ZC3H4: variants seen among roughly 807,000 people sequenced by gnomAD.
ZC3H4 encodes zinc finger CCCH-type containing 4.
Under a neutral mutation model 108.3 loss-of-function variants are expected in ZC3H4, and 13 were observed. That is an observed-to-expected ratio of 0.12 (90% CI 0.08 to 0.19). ZC3H4 has a LOEUF of 0.19. Among genes scored for constraint, ZC3H4 ranks in the 10% least tolerant of loss-of-function variants. ZC3H4 has a pLI of 1.00. For synonymous variants in ZC3H4, 917 were observed against 749.6 expected (o/e 1.22, Z -3.65); for missense variants, 1,734 against 1,838.8 (o/e 0.94, Z 1.04).
chr19:47,086,550 T>G lies in ZC3H4; in HGVS notation c.716-12A>C, dbSNP rs745954849. ...CCGGCCTCGGCTGCCTGCATGGAGA[T>G]TCAGATAGTGAGCCTCCAGCAGGAG... On this transcript the variant is annotated splice_polypyrimidine_tract_variant and intron_variant, in intron 5 of 14. Transcript: ENST00000253048. The G allele has an allele frequency of 1.3e-6, 2 of 1,571,304 alleles. No individual in the cohort carries two copies. Among genetic ancestry groups the G allele is most frequent in the Admixed American group, 3.9e-5 (2 of 51,032 alleles).
intron 3 of ZC3H4, 39 bp downstream of exon 3, chr19:47,094,350 A>G (rs745778676): frequency 1.2e-6 from 2 of 1,606,688 alleles, no homozygotes; most frequent in South Asian, 1.1e-5. Context: ...GCCAGGCCCA[A>G]TGCCAGGCAG....
At chr19:47,068,289 C>A (rs917814481) in intron 14 of ZC3H4, among the ~76,000 whole-genome samples, 1 of 152,248 alleles carries the variant, frequency 6.6e-6, no homozygotes, top group Non-Finnish European at 1.5e-5. Context: ...TCAGCCCCCA[C>A]TGTGGCAAGT....
At chr19:47,090,748 G>A (rs1179968128) in intron 4 of ZC3H4, among the ~76,000 whole-genome samples, 2 of 152,156 alleles carry the variant, frequency 1.3e-5, no homozygotes, top group Non-Finnish European at 2.9e-5. Flanking sequence ...GAGTAACGAC[G>A]AATATGTAAC....
At chr19:47,109,091 TTTTC>T (rs2058003624) in intron 2 of ZC3H4, among the ~76,000 whole-genome samples, 1 of 152,132 alleles carries the variant, frequency 6.6e-6, no homozygotes, top group African/African-American at 2.4e-5. Flanking sequence ...AGTGACACCC[TTTTC>T]TTTTTTTTTG....
Position 47,067,190 on chromosome 19 carries a change from G to A in ZC3H4, c.3078C>T (p.Arg1026=), listed in dbSNP as rs368816942. 1.6e-4 allele frequency: 263 copies of A among 1,610,620 alleles called. No individual in the cohort carries two copies. Among genetic ancestry groups the A allele is most frequent in the Non-Finnish European group, 2.1e-4 (243 of 1,178,440 alleles). ...ATAGPPNARQ[R]PGASTDSSTQ... is the part of the protein sequence containing the mutation. ...TGCTGGAATCCGTGGAGGCGCCCGG[G>A]CGCTGCCGGGCGTTGGGGGGCCCTG... Residue 1026 remains arginine, a synonymous_variant, in exon 15 of 15, where the codon CGC becomes CGT. Coordinates refer to ENST00000253048, the MANE Select transcript of ZC3H4 (RefSeq NM_015168.2). The surrounding 1 kb of genome is among the most constrained non-coding windows in gnomAD (Gnocchi z 6.4).
intron 2 of ZC3H4, 152 bp from the exon 3 acceptor site, chr19:47,094,760 C>T (rs1231322396): frequency 5.4e-6 from 4 of 736,268 alleles, no homozygotes; most frequent in Admixed American, 2.7e-5. Context: ...GCCTCTTGTT[C>T]CATCCCTTAT....
intron 13 of ZC3H4, among the ~76,000 whole-genome samples, chr19:47,069,707 A>G (rs1354597424): frequency 6.6e-6 from 1 of 152,226 alleles, no homozygotes; most frequent in Non-Finnish European, 1.5e-5. Flanking sequence ...TCTTTCCTGT[A>G]CTTTTAAATT....
At chr19:47,108,102 A>C (rs2123105405) in intron 2 of ZC3H4, among the ~76,000 whole-genome samples, 1 of 152,318 alleles carries the variant, frequency 6.6e-6, no homozygotes, top group East Asian at 1.9e-4. Flanking sequence ...ACAGTCTCTG[A>C]TCTGCTGAAT....
chr19:47,087,113 T>C (rs992004897), intron 5 of ZC3H4, among the ~76,000 whole-genome samples: 2 of 151,884 alleles, frequency 1.3e-5, no homozygotes, highest in African/African-American at 4.8e-5. Context: ...TTGTTTCTAC[T>C]AAAAATAGAA....
intron 13 of ZC3H4, 90 bp downstream of exon 13, chr19:47,071,688 G>C: frequency 7.2e-7 from 1 of 1,383,156 alleles, no homozygotes; most frequent in South Asian, 1.4e-5. Context: ...AAAGAGACTT[G>C]GACGAAGGAA....
rs73943611 is a variant in ZC3H4, at chr19:47,071,998, A to T, written c.1926T>A (p.Pro642=). Residue 642 remains proline (P), a synonymous_variant, in exon 13 of 15, where the codon CCT becomes CCA. Coordinates refer to ENST00000253048, the MANE Select transcript of ZC3H4 (RefSeq NM_015168.2). ...MHPDMHPDMH[P]DMHADMHADM... ...CTGCGTGCATGTCTGCGTGCATGTC[A>T]GGGTGCATGTCCGGGTGCATGTCGG... 1.9e-4 allele frequency: 300 copies of T among 1,583,052 alleles called. 3 individuals carry two copies. The African/African-American group carries it at 3.2e-3, about 17-fold the overall frequency.
At chr19:47,094,779 TGAAA>T (rs2057794851) in intron 2 of ZC3H4, among the ~76,000 whole-genome samples, 171 bp from the exon 3 acceptor site, 1 of 152,164 alleles carries the variant, frequency 6.6e-6, no homozygotes, top group Non-Finnish European at 1.5e-5. Flanking sequence ...ATCCTCCCCC[TGAAA>T]GAACTGTGCT....
At chr19:47,096,972 C>G (rs963897959) in intron 2 of ZC3H4, 2 of 985,292 alleles carry the variant, frequency 2.0e-6, no homozygotes, top group South Asian at 9.4e-5. Flanking sequence ...GGCCTCCTTC[C>G]CTGTCCTGAT....
chr19:47,101,351 G>A (rs1440563517), intron 2 of ZC3H4, among the ~76,000 whole-genome samples: 1 of 151,050 alleles, frequency 6.6e-6, no homozygotes, highest in African/African-American at 2.4e-5. Context: ...GAGCCCAGGA[G>A]TTAGAGACCA....
intron 2 of ZC3H4, among the ~76,000 whole-genome samples, chr19:47,103,847 G>A (rs929463493): frequency 6.6e-6 from 1 of 152,142 alleles, no homozygotes; most frequent in East Asian, 1.9e-4. Flanking sequence ...AGGAGGCTGA[G>A]GCAGGAGAAT....
chr19:47,103,787 C>CA (rs2057934458), intron 2 of ZC3H4, among the ~76,000 whole-genome samples: 1 of 127,222 alleles, frequency 7.9e-6, no homozygotes, highest in Admixed American at 7.8e-5. Context: ...AAAAAAACTA[C>CA]AAAAAAATAA....
intron 2 of ZC3H4, among the ~76,000 whole-genome samples, chr19:47,111,357 G>A (rs756916031): frequency 6.6e-6 from 1 of 152,336 alleles, no homozygotes; most frequent in South Asian, 2.1e-4. Context: ...GGGCGTGGGG[G>A]GCCCGCGTTT....
chr19:47,072,159 G>A lies in ZC3H4; in HGVS notation c.1803-38C>T, dbSNP rs749207577. The A allele has an allele frequency of 8.8e-6, 13 of 1,484,474 alleles. No homozygotes were observed. The highest frequency in any genetic ancestry group is 4.2e-5 in the African/African-American group (3 of 70,780). 92.0% of individuals were successfully genotyped at this position (1,484,474 alleles called of 1,614,324 possible). ...AAAGGTGCCTGTGACGGAAGCTGCC[G>A]AGGAGGGCAGTGGCCACACCCCAGA... On this transcript the variant is annotated intron_variant, in intron 12 of 14. Transcript: ENST00000253048. The surrounding 1 kb of genome is among the most constrained non-coding windows in gnomAD (Gnocchi z 5.6).
chr19:47,102,966 G>A (rs917333935), intron 2 of ZC3H4, among the ~76,000 whole-genome samples: 3 of 152,108 alleles, frequency 2.0e-5, no homozygotes, highest in Non-Finnish European at 4.4e-5. Flanking sequence ...CAGGCTGACC[G>A]TGAAAAAACC....
Sources: allele counts gnomAD v4.1 joint callset (sites outside exome capture counted in the v4.1 genomes callset), GRCh38; gene constraint gnomAD v4.1.1; non-coding constraint Gnocchi (gnomAD v3.1); transcripts MANE v1.5; gene names NCBI Gene and HGNC (gene_info 2026-07-23, HGNC 2026-07-21).